The following PHKB variants were observed in gnomAD, a reference collection of about 807,000 sequenced individuals.
PHKB encodes the protein phosphorylase b kinase regulatory subunit beta.
PHKB carries 122 observed loss-of-function variants against 152.1 expected under a neutral mutation model. The observed-to-expected ratio is 0.80, with a 90% CI of 0.69 to 0.93. PHKB has a LOEUF of 0.93. Among genes scored for constraint, PHKB ranks in the 40% least tolerant of loss-of-function variants. The probability of loss-of-function intolerance (pLI) is 0.00; values close to 1 mark genes in which losing one functional copy is unlikely to be tolerated. For missense variants in PHKB, 1,304 were observed against 1,328.4 expected (o/e 0.98, Z 0.29); for synonymous variants, 436 against 464.9 (o/e 0.94, Z 0.80).
At chr16:47,566,736 G>A in intron 7 of PHKB, 1 of 763,180 alleles carries the variant, frequency 1.3e-6, no homozygotes, top group Non-Finnish European at 2.4e-6. Context: ...ACTGTTCCAA[G>A]TTGTTGAAAT....
chr16:47,565,619 G>C, intron 7 of PHKB: 1 of 1,076,992 alleles, frequency 9.3e-7, no homozygotes, highest in Non-Finnish European at 1.4e-6. Flanking sequence ...TGCCGGATGT[G>C]GCAGAGGTCC....
At chr16:47,697,452 G>A (rs528806614) in intron 29 of PHKB, among the ~76,000 whole-genome samples, 1 of 152,312 alleles carries the variant, frequency 6.6e-6, no homozygotes, top group South Asian at 2.1e-4. Context: ...ACATATAGTA[G>A]ACATAGAGAT....
intron 7 of PHKB, among the ~76,000 whole-genome samples, chr16:47,552,800 A>AACAC (rs61186489): frequency 0.013 from 1,834 of 143,570 alleles, 29 homozygotes; most frequent in South Asian, 0.093. Context: ...CCCCATCTCA[A>AACAC]ACACACACAC....
intron 26 of PHKB, among the ~76,000 whole-genome samples, chr16:47,673,201 G>T (rs1973667145): frequency 6.6e-6 from 1 of 151,032 alleles, no homozygotes; most frequent in South Asian, 2.1e-4. Flanking sequence ...ACTAAATCTT[G>T]TATTACTTCC....
In PHKB at chr16:47,599,110, T is replaced by A. The variant is rs919530644; in HGVS notation, c.1363+2579T>A. 118 of 515,852 alleles carry A rather than the reference T, an allele frequency of 2.3e-4. No individual in the cohort carries two copies. In the East Asian group the frequency reaches 3.4e-3, roughly 15 times the overall value. The allele number at this position is 515,852 out of a possible 1,614,324, so 32.0% of individuals were successfully genotyped here. ...TGTTATTTCCGTCTCACTAGCATAA[T>A]TACAAAGAAGCTTTGTTGTTACAGT... is the stretch of plus-strand genomic sequence containing the variant. On this transcript the variant is annotated intron_variant, in intron 13 of 30. Transcript: ENST00000323584.
intron 26 of PHKB, among the ~76,000 whole-genome samples, chr16:47,682,338 G>C (rs1273498246): frequency 6.6e-6 from 1 of 152,106 alleles, no homozygotes; most frequent in Non-Finnish European, 1.5e-5. Flanking sequence ...TATTGTCCTG[G>C]ATCATATCCC....
chr16:47,510,801 A>G (rs1482983478), intron 4 of PHKB, among the ~76,000 whole-genome samples: 1 of 152,226 alleles, frequency 6.6e-6, no homozygotes, highest in African/African-American at 2.4e-5. Flanking sequence ...GAATGCAACC[A>G]CTTAGGTATT....
intron 14 of PHKB, among the ~76,000 whole-genome samples, chr16:47,621,788 T>G (rs904696153): frequency 6.6e-6 from 1 of 152,156 alleles, no homozygotes; most frequent in Non-Finnish European, 1.5e-5. Flanking sequence ...GCACAGAGTT[T>G]CTCCTCAGGT....
At chr16:47,584,497 T>C (rs887115645) in intron 8 of PHKB, among the ~76,000 whole-genome samples, 8 of 152,166 alleles carry the variant, frequency 5.3e-5, no homozygotes, top group Non-Finnish European at 1.2e-4. Flanking sequence ...TCACAGTATG[T>C]GCATGAGGAC....
At chr16:47,587,865 C>T (rs1353760625) in intron 9 of PHKB, 102 bp downstream of exon 9, 6 of 906,090 alleles carry the variant, frequency 6.6e-6, no homozygotes, top group Admixed American at 3.9e-5. Flanking sequence ...TGTTAGTGAT[C>T]GTCCAGAAGG....
chr16:47,656,838 C>T (rs1973347265), intron 20 of PHKB, among the ~76,000 whole-genome samples: 1 of 152,158 alleles, frequency 6.6e-6, no homozygotes. Flanking sequence ...AGCCTTCTCT[C>T]CCAGCCCCAT....
intron 26 of PHKB, among the ~76,000 whole-genome samples, chr16:47,679,108 C>A (rs1973796021): frequency 1.3e-5 from 2 of 152,098 alleles, no homozygotes; most frequent in African/African-American, 4.8e-5. Flanking sequence ...TCTGAGGGCT[C>A]TGTTCTGTTC....
chr16:47,589,233 CTCTG>C (rs1202345181), intron 10 of PHKB, 131 bp downstream of exon 10: 11 of 636,474 alleles, frequency 1.7e-5, no homozygotes, highest in Non-Finnish European at 2.5e-5. Context: ...GTTAATTAAT[CTCTG>C]TCTGTGTTTA....
intron 1 of PHKB, among the ~76,000 whole-genome samples, chr16:47,492,037 C>A (rs1436267911): frequency 1.3e-5 from 2 of 152,074 alleles, no homozygotes; most frequent in African/African-American, 4.8e-5. Context: ...AAAGAAAATC[C>A]AAGTCAGTTT....
At chr16:47,626,754 A>G (rs1972717331) in intron 14 of PHKB, among the ~76,000 whole-genome samples, 1 of 152,194 alleles carries the variant, frequency 6.6e-6, no homozygotes. Context: ...GATTTTATCA[A>G]GGAAAGCCAA....
chr16:47,653,540 C>T (rs779383261), intron 20 of PHKB, among the ~76,000 whole-genome samples: 15 of 152,052 alleles, frequency 9.9e-5, no homozygotes, highest in Non-Finnish European at 1.5e-5. Context: ...TGGGTTTATA[C>T]CTTAAACATT....
chr16:47,611,533 A>T (rs1655388447), intron 14 of PHKB, among the ~76,000 whole-genome samples: 1 of 152,152 alleles, frequency 6.6e-6, no homozygotes, highest in African/African-American at 2.4e-5. Context: ...AGAGAAAGGG[A>T]ATGAACCTGC....
intron 16 of PHKB, among the ~76,000 whole-genome samples, chr16:47,642,096 T>C (rs1202628603): frequency 6.6e-6 from 1 of 152,156 alleles, no homozygotes; most frequent in Non-Finnish European, 1.5e-5. Flanking sequence ...TTCATCCTTT[T>C]ATCTTTGATT....
intron 26 of PHKB, among the ~76,000 whole-genome samples, chr16:47,681,058 G>T (rs1450181146): frequency 6.6e-6 from 1 of 152,190 alleles, no homozygotes; most frequent in Non-Finnish European, 1.5e-5. Context: ...AGGTTGTTCA[G>T]TTTCCATGTA....
Sources: gnomAD v4.1 joint callset for allele counts (sites outside exome capture counted in the v4.1 genomes callset) on GRCh38, gnomAD v4.1.1 for gene constraint, MANE v1.5 for transcripts, NCBI Gene and HGNC (gene_info 2026-07-23, HGNC 2026-07-21) for gene names.